FCHSD2: variants seen among roughly 807,000 people sequenced by gnomAD.
FCHSD2 encodes FCH and double SH3 domains 2, also known as F-BAR and double SH3 domains protein 2.
FCHSD2 carries 38 observed loss-of-function variants against 108.1 expected under a neutral mutation model. The ratio of observed to expected loss-of-function variants is 0.35; its 90% CI spans 0.27 to 0.46. FCHSD2 has a LOEUF of 0.46. Ranked by LOEUF, FCHSD2 falls within the 20% of genes least tolerant of loss-of-function variation. FCHSD2 has a pLI of 1.00. For synonymous variants in FCHSD2, 279 were observed against 314.7 expected, an observed-to-expected ratio of 0.89 and a Z score of 1.20; for missense variants, 751 against 897.8, an observed-to-expected ratio of 0.84 and a Z score of 2.09.
intron 3 of FCHSD2, among the ~76,000 whole-genome samples, chr11:73,077,042 G>A (rs145970097): frequency 4.0e-4 from 59 of 149,004 alleles, no homozygotes; most frequent in African/African-American, 1.3e-3. Context: ...CCCGGGAGGC[G>A]GAGCTTACAG....
chr11:73,134,075 T>C (rs931903224), intron 2 of FCHSD2, among the ~76,000 whole-genome samples: 1 of 151,870 alleles, frequency 6.6e-6, no homozygotes, highest in Non-Finnish European at 1.5e-5. Context: ...TTACATGATA[T>C]GTACATTGTA....
At chr11:72,980,376 G>C (rs1349429152) in intron 8 of FCHSD2, among the ~76,000 whole-genome samples, 1 of 152,126 alleles carries the variant, frequency 6.6e-6, no homozygotes, top group Non-Finnish European at 1.5e-5. Flanking sequence ...TGGCTGCTTA[G>C]ATACAGATTA....
In FCHSD2 at chr11:72,889,964, C is replaced by T. The variant is rs747555867; in HGVS notation, c.925-19G>A. On this transcript the variant is annotated intron_variant, in intron 10 of 19. Coordinates refer to ENST00000409418, the MANE Select transcript of FCHSD2 (RefSeq NM_014824.3). ...GTCGGCTCTACAATACAAGAGAGAA[C>T]AGAGATAAAAATATTGCTATCCTTA... The T allele has an allele frequency of 6.7e-7, 1 of 1,482,006 alleles. No individual in the cohort carries two copies. The highest frequency in any genetic ancestry group is 2.3e-5 in the East Asian group (1 of 44,296). 91.8% of individuals were successfully genotyped at this position (1,482,006 alleles called of 1,614,324 possible).
At chr11:73,093,927 A>G (rs1014155293) in intron 2 of FCHSD2, among the ~76,000 whole-genome samples, 4 of 150,462 alleles carry the variant, frequency 2.7e-5, no homozygotes, top group Non-Finnish European at 5.9e-5. Flanking sequence ...GAATAAAGAT[A>G]GGACTGGGTG....
chr11:72,923,298 T>C (rs1001116586), intron 8 of FCHSD2, among the ~76,000 whole-genome samples: 8 of 152,220 alleles, frequency 5.3e-5, no homozygotes, highest in Non-Finnish European at 1.2e-4. Flanking sequence ...CCTGTTTCCA[T>C]TTCTCTTGGG....
chr11:73,138,337 T>C (rs946914781), intron 2 of FCHSD2, among the ~76,000 whole-genome samples: 5 of 152,058 alleles, frequency 3.3e-5, no homozygotes, highest in Admixed American at 3.3e-4. Context: ...GACCATAAGC[T>C]CCTGCACCAA....
chr11:73,006,647 C>G (rs1160057148), intron 4 of FCHSD2, among the ~76,000 whole-genome samples: 49 of 152,250 alleles, frequency 3.2e-4, no homozygotes, highest in Non-Finnish European at 1.5e-5. Context: ...CACATTACAG[C>G]AATTGCTGCG....
At chr11:73,017,176 G>C in intron 3 of FCHSD2, among the ~76,000 whole-genome samples, 1 of 152,060 alleles carries the variant, frequency 6.6e-6, no homozygotes, top group East Asian at 1.9e-4. Context: ...TAGACACAGT[G>C]TTTCGCCATG....
At chr11:73,026,038 A>G (rs1858221958) in intron 3 of FCHSD2, among the ~76,000 whole-genome samples, 1 of 151,086 alleles carries the variant, frequency 6.6e-6, no homozygotes. Context: ...GTATGTATGT[A>G]TTTTGACATA....
At chr11:72,920,742 T>C (rs914017548) in intron 9 of FCHSD2, among the ~76,000 whole-genome samples, 1 of 152,242 alleles carries the variant, frequency 6.6e-6, no homozygotes, top group African/African-American at 2.4e-5. Flanking sequence ...AATACTTATA[T>C]ACATACTACA....
intron 13 of FCHSD2, among the ~76,000 whole-genome samples, chr11:72,857,410 C>T (rs1447918674): frequency 6.8e-6 from 1 of 146,154 alleles, no homozygotes; most frequent in Non-Finnish European, 1.5e-5. Context: ...TTTACCCTTT[C>T]TTAGATGTTG....
chr11:72,883,981 GA>G (rs962853270), intron 12 of FCHSD2, among the ~76,000 whole-genome samples: 3 of 146,516 alleles, frequency 2.0e-5, no homozygotes, highest in African/African-American at 5.0e-5. Context: ...TAATACCCAA[GA>G]AAAAAAAATA....
At chr11:73,125,659 C>T (rs575549555) in intron 2 of FCHSD2, among the ~76,000 whole-genome samples, 4 of 151,658 alleles carry the variant, frequency 2.6e-5, no homozygotes, top group South Asian at 2.1e-4. Context: ...GAGCCATGAC[C>T]GCACCACTAT....
At chr11:73,026,889 T>C (rs1858241986) in intron 3 of FCHSD2, among the ~76,000 whole-genome samples, 1 of 152,170 alleles carries the variant, frequency 6.6e-6, no homozygotes, top group African/African-American at 2.4e-5. Flanking sequence ...AAGACATGCC[T>C]TGCTTTCCCT....
chr11:73,058,137 C>T (rs1483221160), intron 3 of FCHSD2, among the ~76,000 whole-genome samples: 1 of 152,144 alleles, frequency 6.6e-6, no homozygotes, highest in African/African-American at 2.4e-5. Flanking sequence ...CCTCAGCCTC[C>T]CAAAGTGCTG....
At chr11:72,859,429 C>G (rs1267316650) in intron 13 of FCHSD2, among the ~76,000 whole-genome samples, 2 of 152,178 alleles carry the variant, frequency 1.3e-5, no homozygotes, top group African/African-American at 4.8e-5. Flanking sequence ...TTACTTAATA[C>G]TGGCCCCAAA....
intron 9 of FCHSD2, among the ~76,000 whole-genome samples, chr11:72,907,604 T>G (rs970226149): frequency 6.8e-6 from 1 of 146,608 alleles, no homozygotes; most frequent in Non-Finnish European, 1.5e-5. Flanking sequence ...CGTGGGTTTT[T>G]TTTTTTTTTT....
At chr11:73,063,377 C>T (rs1039464743) in intron 3 of FCHSD2, among the ~76,000 whole-genome samples, 1 of 152,170 alleles carries the variant, frequency 6.6e-6, no homozygotes, top group African/African-American at 2.4e-5. Context: ...GAAACTGCAT[C>T]AACTAATGGT....
intron 9 of FCHSD2, among the ~76,000 whole-genome samples, chr11:72,909,642 C>T (rs965669847): frequency 4.0e-4 from 60 of 150,746 alleles, no homozygotes; most frequent in African/African-American, 1.3e-3. Flanking sequence ...TGCCTCTGGC[C>T]GGCCGCCACC....
Sources: gnomAD v4.1 joint callset for allele counts (sites outside exome capture counted in the v4.1 genomes callset) on GRCh38, gnomAD v4.1.1 for gene constraint, MANE v1.5 for transcripts, NCBI Gene and HGNC (gene_info 2026-07-23, HGNC 2026-07-21) for gene names.